GTF2F2: variants seen among roughly 807,000 people sequenced by gnomAD.
GTF2F2 encodes the protein general transcription factor IIF subunit 2.
A neutral mutation model predicts 42.2 loss-of-function variants in GTF2F2; 23 were observed. That is an observed-to-expected ratio of 0.55 (90% CI 0.39 to 0.77). The LOEUF is 0.77. Among genes scored for constraint, GTF2F2 ranks in the 30% least tolerant of loss-of-function variants. The probability of loss-of-function intolerance (pLI) is 0.00; values close to 1 mark genes in which losing one functional copy is unlikely to be tolerated. For missense variants in GTF2F2, 261 were observed against 287.2 expected (o/e 0.91, Z 0.66); for synonymous variants, 105 against 100.8 (o/e 1.04, Z -0.25).
chr13:45,185,317 A>C (rs1036073711), intron 4 of GTF2F2, among the ~76,000 whole-genome samples: 1 of 152,150 alleles, frequency 6.6e-6, no homozygotes, highest in Non-Finnish European at 1.5e-5. Context: ...GGGAACCAAA[A>C]TGTATTTTAA....
In GTF2F2 at chr13:45,202,342, G is replaced by A. The variant is rs1031887871; in HGVS notation, c.305-5082G>A. 1.8e-4 allele frequency among the ~76,000 whole-genome samples: 27 copies of A among 152,220 alleles called. 1 individual carries two copies. The highest frequency in any genetic ancestry group is 1.4e-3 in the Admixed American group (22 of 15,288). On this transcript the variant is annotated intron_variant, in intron 4 of 7. Coordinates refer to ENST00000340473, the MANE Select transcript of GTF2F2 (RefSeq NM_004128.3). ...GCGGAGGTTGCGGTGAGCCAAGATC[G>A]CGCCACTGCACTCCAGTCTAGGCAA...
At chr13:45,149,371 A>G (rs1870363235) in intron 2 of GTF2F2, among the ~76,000 whole-genome samples, 1 of 147,340 alleles carries the variant, frequency 6.8e-6, no homozygotes. Context: ...TGAGCCTAGG[A>G]GGTCAAGACT....
At chr13:45,279,340 A>G (rs1877164106) in intron 7 of GTF2F2, among the ~76,000 whole-genome samples, 1 of 152,246 alleles carries the variant, frequency 6.6e-6, no homozygotes, top group South Asian at 2.1e-4. Flanking sequence ...CTCTGTCACC[A>G]ACAATATTTT....
intron 5 of GTF2F2, among the ~76,000 whole-genome samples, chr13:45,227,594 C>T (rs1377391943): frequency 1.3e-5 from 2 of 152,102 alleles, no homozygotes; most frequent in Non-Finnish European, 2.9e-5. Context: ...CTGTGATAGT[C>T]TTGCCTTTAT....
intron 5 of GTF2F2, among the ~76,000 whole-genome samples, chr13:45,249,321 TGTG>T (rs1875777365): frequency 1.3e-5 from 2 of 152,166 alleles, no homozygotes; most frequent in Admixed American, 6.5e-5. Flanking sequence ...TTAAAACCCT[TGTG>T]GTTGCCTTTT....
chr13:45,129,360 C>A (rs1869216273), intron 1 of GTF2F2, among the ~76,000 whole-genome samples: 2 of 152,176 alleles, frequency 1.3e-5, no homozygotes, highest in African/African-American at 4.8e-5. Context: ...CAGGCACACA[C>A]CACCATGCCT....
At chr13:45,191,820 C>G (rs1044333187) in intron 4 of GTF2F2, among the ~76,000 whole-genome samples, 35 of 152,056 alleles carry the variant, frequency 2.3e-4, no homozygotes, top group African/African-American at 8.5e-4. Context: ...AAAAATGAAT[C>G]TGATATTTTT....
At chr13:45,282,138 CAG>C (rs1461320709) in intron 7 of GTF2F2, among the ~76,000 whole-genome samples, 1 of 152,040 alleles carries the variant, frequency 6.6e-6, no homozygotes, top group Non-Finnish European at 1.5e-5. Flanking sequence ...GCGGAGGTTG[CAG>C]AGAGCCGAGA....
intron 4 of GTF2F2, among the ~76,000 whole-genome samples, chr13:45,168,897 C>CTCCT (rs1871446508): frequency 2.8e-3 from 1 of 356 alleles, no homozygotes; most frequent in Non-Finnish European, 5.5e-3. Context: ...CCCTCCCTCC[C>CTCCT]TCCCTCCCTC....
chr13:45,236,315 T>C (rs1203609771), intron 5 of GTF2F2, among the ~76,000 whole-genome samples: 1 of 152,146 alleles, frequency 6.6e-6, no homozygotes, highest in African/African-American at 2.4e-5. Context: ...ATGGGAGAGT[T>C]TAAGCAGTAG....
chr13:45,135,486 A>G (rs1010289358), intron 1 of GTF2F2, among the ~76,000 whole-genome samples: 2 of 148,982 alleles, frequency 1.3e-5, no homozygotes, highest in Non-Finnish European at 3.0e-5. Flanking sequence ...TCTTGAACTC[A>G]TGACCTCGTG....
intron 5 of GTF2F2, among the ~76,000 whole-genome samples, chr13:45,228,775 A>G (rs1298082814): frequency 5.4e-5 from 8 of 149,292 alleles, no homozygotes; most frequent in South Asian, 4.2e-4. Context: ...GGTTCAAGCA[A>G]TTCTCCTGCC....
intron 5 of GTF2F2, among the ~76,000 whole-genome samples, chr13:45,249,682 G>A (rs757710625): frequency 1.4e-4 from 21 of 152,226 alleles, no homozygotes; most frequent in Admixed American, 7.9e-4. Context: ...AGGAGCTAGT[G>A]CATGCCTCCT....
intron 4 of GTF2F2, among the ~76,000 whole-genome samples, chr13:45,175,509 A>G (rs1871831616): frequency 1.3e-5 from 2 of 152,068 alleles, no homozygotes; most frequent in South Asian, 4.1e-4. Context: ...GTTCTTTTTT[A>G]TATATGTTTT....
At chr13:45,185,909 A>T (rs1872397609) in intron 4 of GTF2F2, among the ~76,000 whole-genome samples, 1 of 152,188 alleles carries the variant, frequency 6.6e-6, no homozygotes, top group African/African-American at 2.4e-5. Context: ...ATAGAAAAAA[A>T]TATGTAAAAA....
At chr13:45,146,245 C>G (rs1383267933) in intron 2 of GTF2F2, among the ~76,000 whole-genome samples, 1 of 152,132 alleles carries the variant, frequency 6.6e-6, no homozygotes, top group Non-Finnish European at 1.5e-5. Flanking sequence ...TCTGTAATCT[C>G]AGCACTTTGC....
In GTF2F2 at chr13:45,122,895, A is replaced by T. The variant is rs148121403; in HGVS notation, c.66+2174A>T. On this transcript the variant is annotated intron_variant, in intron 1 of 7. Coordinates refer to ENST00000340473, the MANE Select transcript of GTF2F2 (RefSeq NM_004128.3). ...GACAGGTATAGAACTGTGTAAATACAGTAAGAACTATACATACAAGATCTC... is the reference window on the plus strand; with the variant it reads ...GACAGGTATAGAACTGTGTAAATACTGTAAGAACTATACATACAAGATCTC... Among the ~76,000 whole-genome samples the T allele has an allele frequency of 4.1e-3, 621 of 152,302 alleles. 3 individuals carry two copies. The highest frequency in any genetic ancestry group is 0.015 in the African/African-American group (604 of 41,570).
intron 5 of GTF2F2, among the ~76,000 whole-genome samples, chr13:45,212,516 CT>C (rs1395723165): frequency 8.6e-6 from 1 of 116,088 alleles, no homozygotes; most frequent in Non-Finnish European, 1.9e-5. Context: ...TCTTTTCTTT[CT>C]TTCTCTTTCT....
intron 5 of GTF2F2, among the ~76,000 whole-genome samples, chr13:45,239,661 A>G (rs888727870): frequency 2.0e-4 from 31 of 152,192 alleles, no homozygotes; most frequent in African/African-American, 7.0e-4. Flanking sequence ...CCCTTTCGGA[A>G]CACATTTGAA....
Sources: allele counts gnomAD v4.1 joint callset (sites outside exome capture counted in the v4.1 genomes callset), GRCh38; gene constraint gnomAD v4.1.1; transcripts MANE v1.5; gene names NCBI Gene and HGNC (gene_info 2026-07-23, HGNC 2026-07-21).